Variants in HDAC8 observed in about 807,000 individuals in gnomAD.
HDAC8 encodes the protein histone deacetylase-like 1.
HDAC8 carries 1 observed loss-of-function variant against 32.2 expected under a neutral mutation model. That is an observed-to-expected ratio of 0.03 (90% CI 0.01 to 0.15). The LOEUF is 0.15. HDAC8 is among the 10% of genes least tolerant of loss of function. The pLI is 1.00. For synonymous variants in HDAC8, 108 were observed against 113.9 expected (o/e 0.95, Z 0.33); for missense variants, 117 against 300.0 (o/e 0.39, Z 4.51).
intron 8 of HDAC8, among the ~76,000 whole-genome samples, chrX:72,464,213 G>C (rs2047947862): frequency 8.9e-6 from 1 of 111,867 alleles, no homozygotes; most frequent in Non-Finnish European, 1.9e-5. Flanking sequence ...TATTAGAACT[G>C]AAAATCAAAG....
chrX:72,420,986 G>A (rs2046471970), intron 9 of HDAC8, among the ~76,000 whole-genome samples: 1 of 110,045 alleles, frequency 9.1e-6, no homozygotes, highest in Non-Finnish European at 1.9e-5. Context: ...ATGGATTTTT[G>A]CAATTTTTCG....
chrX:72,420,556 G>A (rs193193387), intron 9 of HDAC8, among the ~76,000 whole-genome samples: 2 of 111,862 alleles, frequency 1.8e-5, no homozygotes, highest in African/African-American at 6.5e-5. Flanking sequence ...ACAAATTTTG[G>A]CTTTGATTCT....
intron 4 of HDAC8, among the ~76,000 whole-genome samples, chrX:72,508,772 G>A (rs2049473538): frequency 8.9e-6 from 1 of 112,182 alleles, no homozygotes; most frequent in South Asian, 3.7e-4. Context: ...GAGTCCTCAC[G>A]AGAAAAAAGG....
intron 9 of HDAC8, among the ~76,000 whole-genome samples, chrX:72,442,118 A>G (rs1160462564): frequency 9.0e-6 from 1 of 111,506 alleles, no homozygotes; most frequent in African/African-American, 3.3e-5. Flanking sequence ...TCTTCAGGAT[A>G]TTATCCAGGA....
At chrX:72,554,825 T>C (rs894006047) in intron 4 of HDAC8, among the ~76,000 whole-genome samples, 1 of 111,918 alleles carries the variant, frequency 8.9e-6, no homozygotes, top group African/African-American at 3.3e-5. Flanking sequence ...TCATAATCTC[T>C]TGGGAGTTCT....
Position 72,369,505 on chromosome X carries a change from G to A in HDAC8, c.1006-17667C>T, listed in dbSNP as rs184196265. Among the ~76,000 whole-genome samples the A allele has an allele frequency of 1.7e-3, 194 of 112,539 alleles. 1 individual carries two copies. The highest frequency in any genetic ancestry group is 6.2e-3 in the African/African-American group (191 of 30,998). On this transcript the variant is annotated intron_variant, in intron 9 of 10. Coordinates refer to ENST00000373573, the MANE Select transcript of HDAC8 (RefSeq NM_018486.3). ...TTTGTTTGTTTCTGTTGTTTGTTAAGTGCAAATCACTCTGCCTTAAGCCCA... is the reference window on the plus strand; with the variant it reads ...TTTGTTTGTTTCTGTTGTTTGTTAAATGCAAATCACTCTGCCTTAAGCCCA...
intron 9 of HDAC8, among the ~76,000 whole-genome samples, chrX:72,409,560 C>A (rs1268446252): frequency 1.8e-5 from 2 of 112,550 alleles, no homozygotes; most frequent in East Asian, 5.5e-4. Context: ...ATCACATGTA[C>A]TTGAAAAACC....
intron 9 of HDAC8, among the ~76,000 whole-genome samples, chrX:72,409,168 A>G (rs1384585516): frequency 8.9e-6 from 1 of 112,271 alleles, no homozygotes; most frequent in African/African-American, 3.2e-5. Context: ...ATGGTATCCT[A>G]AGTCAGAAAT....
intron 4 of HDAC8, among the ~76,000 whole-genome samples, chrX:72,513,134 C>T (rs2049648515): frequency 9.0e-6 from 1 of 111,142 alleles, no homozygotes; most frequent in African/African-American, 3.3e-5. Context: ...GAAAGTTGAT[C>T]CCTCTTTTTG....
At chrX:72,490,609 G>A (rs1201657342) in intron 6 of HDAC8, among the ~76,000 whole-genome samples, 1 of 75,858 alleles carries the variant, frequency 1.3e-5, no homozygotes, top group African/African-American at 4.9e-5. Context: ...GTTGCGGGGT[G>A]GGGGGAGGGG....
chrX:72,469,538 C>T (rs141884296), intron 7 of HDAC8, among the ~76,000 whole-genome samples: 2 of 111,866 alleles, frequency 1.8e-5, no homozygotes, highest in East Asian at 2.8e-4. Context: ...ACTTTAGCAC[C>T]CTAGTTCCCT....
chrX:72,437,701 C>T (rs782080442), intron 9 of HDAC8, among the ~76,000 whole-genome samples: 5 of 112,051 alleles, frequency 4.5e-5, no homozygotes, highest in African/African-American at 1.6e-4. Context: ...CGGTTTTCCA[C>T]TCACAGTGTA....
chrX:72,538,972 A>G (rs2050615728), intron 4 of HDAC8, among the ~76,000 whole-genome samples: 1 of 112,010 alleles, frequency 8.9e-6, no homozygotes, highest in Admixed American at 9.5e-5. Flanking sequence ...TGAGAAATTG[A>G]CACAGCCAAG....
At chrX:72,470,621 C>T (rs1212812478) in intron 7 of HDAC8, among the ~76,000 whole-genome samples, 1 of 111,187 alleles carries the variant, frequency 9.0e-6, no homozygotes, top group African/African-American at 3.3e-5. Flanking sequence ...ACATACTGGC[C>T]GCCTATACAT....
At chrX:72,349,368 C>G (rs2044114510) in intron 10 of HDAC8, among the ~76,000 whole-genome samples, 3 of 112,349 alleles carry the variant, frequency 2.7e-5, no homozygotes, top group Non-Finnish European at 5.6e-5. Context: ...CTGGAGGCCA[C>G]CTTGCCCTGG....
At chrX:72,541,168 T>C (rs1387599921) in intron 4 of HDAC8, among the ~76,000 whole-genome samples, 1 of 109,137 alleles carries the variant, frequency 9.2e-6, no homozygotes, top group Non-Finnish European at 1.9e-5. Context: ...TTTTTTTTTT[T>C]CTCGTGCGCA....
rs1042281967 is a variant in HDAC8, at chrX:72,505,661, C to T, written c.438-10393G>A. The stretch of plus-strand genomic sequence containing the variant: ...GTTTTAAAAATTAGCTGGGCATGCA[C>T]CTTTAGTCCTAGCTACTCAGGAGGC... On this transcript the variant is annotated intron_variant, in intron 4 of 10. Transcript: ENST00000373573. Among the ~76,000 whole-genome samples the T allele has an allele frequency of 3.6e-5, 4 of 110,750 alleles. No individual in the cohort carries two copies. The Admixed American group carries it at 3.8e-4, about 11-fold the overall frequency.
intron 8 of HDAC8, 117 bp downstream of exon 8, chrX:72,464,442 G>A (rs1001825798): frequency 4.4e-5 from 26 of 584,349 alleles, no homozygotes; most frequent in Non-Finnish European, 6.9e-5. Flanking sequence ...CAGGCTTCTG[G>A]GCCTCAGGTA....
At chrX:72,514,426 T>A (rs2049713642) in intron 4 of HDAC8, among the ~76,000 whole-genome samples, 1 of 111,716 alleles carries the variant, frequency 9.0e-6, no homozygotes, top group Non-Finnish European at 1.9e-5. Context: ...CATGAAGGAA[T>A]ATTAAGAGTA....
Sources: gnomAD v4.1 joint callset for allele counts (sites outside exome capture counted in the v4.1 genomes callset) on GRCh38, gnomAD v4.1.1 for gene constraint, MANE v1.5 for transcripts, NCBI Gene and HGNC (gene_info 2026-07-23, HGNC 2026-07-21) for gene names.